Variants in DNAJC14 observed in about 807,000 individuals in gnomAD.
DNAJC14 encodes DnaJ heat shock protein family (Hsp40) member C14.
DNAJC14 carries 12 observed loss-of-function variants against 68.8 expected under a neutral mutation model. The ratio of observed to expected loss-of-function variants is 0.17; its 90% CI spans 0.11 to 0.28. The LOEUF is 0.28. Among genes scored for constraint, DNAJC14 ranks in the 10% least tolerant of loss-of-function variants. DNAJC14 has a pLI of 1.00. For missense variants in DNAJC14, 764 were observed against 875.6 expected, an observed-to-expected ratio of 0.87 and a Z score of 1.61; for synonymous variants, 350 against 321.5, an observed-to-expected ratio of 1.09 and a Z score of -0.95.
chr12:55,825,240 G>A (rs1055365653), intron 2 of DNAJC14, among the ~76,000 whole-genome samples: 1 of 151,142 alleles, frequency 6.6e-6, no homozygotes, highest in African/African-American at 2.4e-5. Context: ...GTGGTTTACT[G>A]TACCTTTAAT....
chr12:55,828,082 GGGGTTTCTTTCC>G lies in DNAJC14; in HGVS notation c.565_576del (p.Gly189_Pro192del). 6.2e-7 allele frequency: 1 copy of G among 1,603,836 alleles called. No individual in the cohort carries two copies. The highest frequency in any genetic ancestry group is 8.5e-7 in the Non-Finnish European group (1 of 1,174,980). On this transcript the variant is annotated inframe_deletion, in exon 2 of 7. Transcript: ENST00000678005. ...AAGCGGTGCCGCTGTCTCCGGGATG[GGGGTTTCTTTCC>G]GCTGGACACACGTGAAAAATCACTG...
intron 2 of DNAJC14, among the ~76,000 whole-genome samples, chr12:55,826,458 G>A (rs931244985): frequency 1.3e-5 from 2 of 151,672 alleles, no homozygotes; most frequent in Admixed American, 1.3e-4. Context: ...GGGATCACAG[G>A]TGTGAGCCAC....
chr12:55,824,078 A>C (rs1262848598), intron 2 of DNAJC14, among the ~76,000 whole-genome samples: 1 of 151,860 alleles, frequency 6.6e-6, no homozygotes, highest in African/African-American at 2.4e-5. Context: ...TTAAATAAGA[A>C]TATATATGAA....
Position 55,823,429 on chromosome 12 carries a change from T to C in DNAJC14, c.1487A>G (p.Asn496Ser), listed in dbSNP as rs1421750219. 6.2e-7 allele frequency: 1 copy of C among 1,614,114 alleles called. No homozygotes were observed. The highest frequency in any genetic ancestry group is 8.5e-7 in the Non-Finnish European group (1 of 1,180,056). Residue 496 changes from asparagine (N) to serine (S), a missense_variant, in exon 3 of 7, where the codon AAT becomes AGT. Asn to Ser is a conservative substitution (Grantham distance 46, BLOSUM62 1). Transcript: ENST00000678005. ...VLRAAWDIVS[N>S]AEKRKEYEMK... ...CTCATACTCCTTTCGCTTTTCAGCATTGCTGACAATGTCCCAAGCTGCTCG... is the reference window on the plus strand; with the variant it reads ...CTCATACTCCTTTCGCTTTTCAGCACTGCTGACAATGTCCCAAGCTGCTCG...
At chr12:55,826,637 T>A (rs907215344) in intron 2 of DNAJC14, among the ~76,000 whole-genome samples, 4 of 151,374 alleles carry the variant, frequency 2.6e-5, no homozygotes, top group African/African-American at 9.7e-5. Flanking sequence ...CCGTTTCTAC[T>A]AAAAATACAA....
upstream of DNAJC14, chr12:55,829,809 G>C (rs1880926926): frequency 1.2e-5 from 2 of 164,042 alleles, no homozygotes; most frequent in Admixed American, 6.5e-5. Flanking sequence ...CCCGCAGGTT[G>C]CACCGCAGGA....
chr12:55,829,198 G>A, intron 1 of DNAJC14: 3 of 982,844 alleles, frequency 3.1e-6, no homozygotes, highest in Non-Finnish European at 3.6e-6. Flanking sequence ...TGTAATCCCA[G>A]CACTTTGGGA....
chr12:55,826,986 G>A (rs1027710744), intron 2 of DNAJC14, among the ~76,000 whole-genome samples: 9 of 151,656 alleles, frequency 5.9e-5, no homozygotes, highest in East Asian at 1.9e-4. Flanking sequence ...TCAGGAGTTC[G>A]AGACCAGCAT....
At chr12:55,824,789 C>G (rs771569773) in intron 2 of DNAJC14, among the ~76,000 whole-genome samples, 1 of 152,132 alleles carries the variant, frequency 6.6e-6, no homozygotes, top group African/African-American at 2.4e-5. Context: ...AGCTCTACTA[C>G]TAGTAGAATT....
At chr12:55,828,779 A>T (rs964753398) in intron 1 of DNAJC14, 65 bp from the exon 2 acceptor site, 2 of 1,407,206 alleles carry the variant, frequency 1.4e-6, no homozygotes, top group African/African-American at 2.9e-5. Context: ...AACAATCTCA[A>T]ATAGTGGACA....
At chr12:55,827,175 A>G in intron 2 of DNAJC14, 77 bp downstream of exon 2, 1 of 1,342,946 alleles carries the variant, frequency 7.4e-7, no homozygotes, top group African/African-American at 1.5e-5. Flanking sequence ...TGGGTGACAG[A>G]GCGAGACTAC....
intron 2 of DNAJC14, among the ~76,000 whole-genome samples, chr12:55,824,557 T>C (rs1880745127): frequency 6.6e-6 from 1 of 152,146 alleles, no homozygotes; most frequent in African/African-American, 2.4e-5. Context: ...AGCCTTTTAG[T>C]CATGTTCACA....
chr12:55,829,499 C>CG lies in DNAJC14; in HGVS notation c.-68dup. 1 of 984,946 alleles carries CG rather than the reference C, an allele frequency of 1.0e-6. No homozygotes were observed. Among genetic ancestry groups the CG allele is most frequent in the Non-Finnish European group, 1.2e-6 (1 of 829,814 alleles). 61.0% of individuals were successfully genotyped at this position (984,946 alleles called of 1,614,324 possible). On this transcript the variant is annotated 5_prime_UTR_variant, in exon 1 of 7. Coordinates refer to ENST00000678005, the MANE Select transcript of DNAJC14 (RefSeq NM_032364.6). ...AAAAGACGGACGTACCGAAGAACGG[C>CG]GGTAACTCCTCCCCCTCGAGCCGCC...
chr12:55,830,003 C>G (rs372999640), upstream of DNAJC14: 1 of 152,306 alleles, frequency 6.6e-6, no homozygotes, highest in Non-Finnish European at 1.5e-5. Context: ...TGATCCCTTC[C>G]GTGCCGGCAG....
rs1880914992 is a variant in DNAJC14 at position 55,829,568 on chromosome 12, C to T, written c.-136G>A. 1 of 985,482 alleles carries T rather than the reference C, an allele frequency of 1.0e-6. No homozygotes were observed. The highest frequency in any genetic ancestry group is 1.7e-5 in the African/African-American group (1 of 57,372). The allele number at this position is 985,482 out of a possible 1,614,324, so 61.0% of individuals were successfully genotyped here. On this transcript the variant is annotated 5_prime_UTR_variant, in exon 1 of 7. Coordinates refer to ENST00000678005, the MANE Select transcript of DNAJC14 (RefSeq NM_032364.6). ...AGCTACGAGAGCCGCTCTCCCGGCTCCGCCTCCCGCTCACGCTCTGCTTCC... is the reference window on the plus strand; with the variant it reads ...AGCTACGAGAGCCGCTCTCCCGGCTTCGCCTCCCGCTCACGCTCTGCTTCC...
At chr12:55,823,273 G>GTCTT in intron 3 of DNAJC14, 84 bp from the exon 4 acceptor site, 1 of 1,603,902 alleles carries the variant, frequency 6.2e-7, no homozygotes. Context: ...TGAGGCCCCT[G>GTCTT]TCTAGCGAGA....
intron 2 of DNAJC14, among the ~76,000 whole-genome samples, chr12:55,825,717 T>G (rs11834264): frequency 6.6e-6 from 1 of 151,884 alleles, no homozygotes; most frequent in Admixed American, 6.6e-5. Context: ...CTAATTTTTT[T>G]GTATTTTTAG....
chr12:55,829,049 T>C (rs1161473204), intron 1 of DNAJC14: 1 of 968,736 alleles, frequency 1.0e-6, no homozygotes, highest in African/African-American at 1.8e-5. Context: ...GGCCACAGAC[T>C]TCCAGTAATG....
Position 55,827,385 on chromosome 12 carries a change from T to C in DNAJC14, c.1274A>G (p.Glu425Gly). 6.2e-7 allele frequency: 1 copy of C among 1,613,814 alleles called. No homozygotes were observed. ...GGTCAAGAGTCGAGCCACTTCCTCTTCAGGCTGGCAGTAGCGCCCACTAGC... is the reference window on the plus strand; with the variant it reads ...GGTCAAGAGTCGAGCCACTTCCTCTCCAGGCTGGCAGTAGCGCCCACTAGC... ...PVASGRYCQP[E>G]EEVARLLTMA... The change falls in exon 2 of 7, where the codon GAA (glutamate) becomes GGA (glycine). Residue 425 changes from glutamate to glycine, a missense_variant. Physicochemically the swap from Glu to Gly is moderately conservative, Grantham distance 98 (BLOSUM62 -2). Around this residue, in one of 4 missense-constraint regions of DNAJC14, gnomAD observed 514 missense variants for 521.7 expected, o/e 0.99. Coordinates refer to ENST00000678005, the MANE Select transcript of DNAJC14 (RefSeq NM_032364.6).
Sources: gnomAD v4.1 joint callset for allele counts (sites outside exome capture counted in the v4.1 genomes callset) on GRCh38, gnomAD v4.1.1 for gene constraint, gnomAD v4.1.1 regional missense constraint, MANE v1.5 for transcripts, NCBI Gene and HGNC (gene_info 2026-07-23, HGNC 2026-07-21) for gene names.